CLDN14: variants seen among roughly 807,000 people sequenced by gnomAD.
The protein encoded by CLDN14 is claudin-14.
A neutral mutation model predicts 2.1 loss-of-function variants in CLDN14; 2 were observed. The ratio of observed to expected loss-of-function variants is 0.96; its 90% CI spans 0.39 to 3.01. The LOEUF is 3.01. CLDN14 is among the 30% of genes most tolerant of loss of function. CLDN14 has a pLI of 0.09. For missense variants in CLDN14, 298 were observed against 328.0 expected (o/e 0.91, Z 0.71); for synonymous variants, 136 against 154.4 (o/e 0.88, Z 0.88).
At chr21:36,497,865 G>A (rs145148988) in intron 2 of CLDN14, among the ~76,000 whole-genome samples, 3 of 152,130 alleles carry the variant, frequency 2.0e-5, no homozygotes, top group African/African-American at 7.2e-5. Flanking sequence ...GGCACCTGTG[G>A]GGACTGCCCC....
intron 2 of CLDN14, among the ~76,000 whole-genome samples, chr21:36,491,403 C>T (rs1009447954): frequency 2.6e-5 from 4 of 152,128 alleles, no homozygotes; most frequent in Non-Finnish European, 4.4e-5. Flanking sequence ...AAAAGCGAAA[C>T]GGCGAGGAAT....
At chr21:36,568,492 T>C (rs1465279767) in intron 1 of CLDN14, among the ~76,000 whole-genome samples, 1 of 152,180 alleles carries the variant, frequency 6.6e-6, no homozygotes, top group African/African-American at 2.4e-5. Flanking sequence ...GCCCCTGGCA[T>C]GGGGATGGGG....
chr21:36,481,614 T>G (rs2845766), upstream of CLDN14, among the ~76,000 whole-genome samples: 1 of 152,086 alleles, frequency 6.6e-6, no homozygotes, highest in African/African-American at 2.4e-5. Context: ...TGACAGTGAA[T>G]GAAATGGACG....
At chr21:36,524,519 A>G (rs553356174) in intron 1 of CLDN14, among the ~76,000 whole-genome samples, 1 of 152,190 alleles carries the variant, frequency 6.6e-6, no homozygotes, top group South Asian at 2.1e-4. Flanking sequence ...AAATTCTAAA[A>G]CCCAAAGTCA....
chr21:36,500,095 G>T (rs938540215), intron 2 of CLDN14, among the ~76,000 whole-genome samples: 1 of 152,190 alleles, frequency 6.6e-6, no homozygotes, highest in African/African-American at 2.4e-5. Flanking sequence ...GTTTGACTTG[G>T]CTTAGCTGCA....
chr21:36,562,685 A>C (rs1211118022), intron 1 of CLDN14, among the ~76,000 whole-genome samples: 2 of 118,848 alleles, frequency 1.7e-5, no homozygotes, highest in Non-Finnish European at 3.7e-5. Context: ...AGGATCCCCT[A>C]TCCATTCTGT....
At chr21:36,497,607 C>T (rs1262489162) in intron 2 of CLDN14, among the ~76,000 whole-genome samples, 2 of 152,088 alleles carry the variant, frequency 1.3e-5, no homozygotes, top group East Asian at 1.9e-4. Context: ...AGGTTTTGCA[C>T]AAATCATCTT....
intron 1 of CLDN14, among the ~76,000 whole-genome samples, chr21:36,525,413 T>C (rs2087316948): frequency 6.6e-6 from 1 of 150,546 alleles, no homozygotes; most frequent in South Asian, 2.1e-4. Context: ...AATAAAGACT[T>C]GAAGCTGGCA....
At position 36,543,838 on chromosome 21, in the gene CLDN14, G is replaced by A. The variant is rs567643134; in HGVS notation, c.-220+32573C>T. 1.3e-5 allele frequency among the ~76,000 whole-genome samples: 2 copies of A among 152,274 alleles called. 1 individual carries two copies. Among genetic ancestry groups the A allele is most frequent in the African/African-American group, 4.8e-5 (2 of 41,548 alleles). Reference sequence around the variant, plus strand: ...GCCAAAAGCAAGCAAATATGCATAAGGAGCTTCTGACACGTAAACAGCCAC... The same window carrying A: ...GCCAAAAGCAAGCAAATATGCATAAAGAGCTTCTGACACGTAAACAGCCAC... On this transcript the variant is annotated intron_variant, in intron 1 of 2. Coordinates refer to the CLDN14 transcript ENST00000342108.
In CLDN14 at chr21:36,476,725, G is replaced by A. The variant is rs562777366; in HGVS notation, c.-82+2770C>T. Among the ~76,000 whole-genome samples the A allele has an allele frequency of 4.6e-5, 7 of 152,338 alleles. No homozygotes were observed. The South Asian group carries it at 1.4e-3, about 32-fold the overall frequency. On this transcript the variant is annotated intron_variant, in intron 1 of 1. Coordinates refer to ENST00000399135, the MANE Select transcript of CLDN14 (RefSeq NM_001146079.2). The stretch of plus-strand genomic sequence containing the variant: ...CTTGGACTCCCAAAGTGCTGGGATT[G>A]TAGGCGTGAGCCACTGCCCTCGGCC...
At chr21:36,531,325 C>A (rs1399103241) in intron 1 of CLDN14, among the ~76,000 whole-genome samples, 1 of 150,698 alleles carries the variant, frequency 6.6e-6, no homozygotes, top group Non-Finnish European at 1.5e-5. Context: ...CACTCTGTCA[C>A]CCAAGCTGCA....
chr21:36,518,355 T>C (rs5027467), intron 1 of CLDN14, among the ~76,000 whole-genome samples: 134,586 of 152,270 alleles, frequency 0.88, 60,190 homozygotes, highest in African/African-American at 0.94. Context: ...AATCCCAGCA[T>C]TTTGGGAGGC....
At chr21:36,547,467 T>C (rs1189471908) in intron 1 of CLDN14, among the ~76,000 whole-genome samples, 1 of 152,214 alleles carries the variant, frequency 6.6e-6, no homozygotes, top group Non-Finnish European at 1.5e-5. Context: ...AAAAGAACCT[T>C]CCGACAGAGC....
chr21:36,485,858 T>A, intron 2 of CLDN14: 1 of 541,800 alleles, frequency 1.8e-6, no homozygotes, highest in Non-Finnish European at 3.2e-6. Flanking sequence ...ATTTCCTTTT[T>A]TTTTTTTTTA....
At chr21:36,528,809 G>T (rs2087355860) in intron 1 of CLDN14, among the ~76,000 whole-genome samples, 1 of 152,196 alleles carries the variant, frequency 6.6e-6, no homozygotes, top group South Asian at 2.1e-4. Context: ...GTGGTGGAAG[G>T]TTCTGGAAAC....
intron 2 of CLDN14, among the ~76,000 whole-genome samples, chr21:36,490,726 G>C (rs2086953621): frequency 6.6e-6 from 1 of 151,964 alleles, no homozygotes; most frequent in South Asian, 2.1e-4. Context: ...GTAGAGATGG[G>C]GTCTCTCTAT....
At position 36,468,763 on chromosome 21, in the gene CLDN14, C is replaced by CT. The variant is rs1435081969; in HGVS notation, c.-81-6988dup. On this transcript the variant is annotated intron_variant, in intron 1 of 1. Transcript: ENST00000399135. ...CTTTTTTCTTTTTCTTTCTTTCTTT[C>CT]TTTCTTTTTTTTTTGAGACAGAATC... Among the ~76,000 whole-genome samples, 880 of 148,164 alleles carry CT rather than the reference C, an allele frequency of 5.9e-3. 12 individuals carry two copies. Among genetic ancestry groups the CT allele is most frequent in the African/African-American group, 0.02 (782 of 39,292 alleles).
intron 1 of CLDN14, among the ~76,000 whole-genome samples, chr21:36,550,720 A>G (rs1480801357): frequency 4.6e-5 from 7 of 152,074 alleles, no homozygotes; most frequent in Non-Finnish European, 1.0e-4. Context: ...TGCTCCATCC[A>G]ACTCTGCTCA....
chr21:36,467,105 T>C (rs1003921044), intron 1 of CLDN14, among the ~76,000 whole-genome samples: 4 of 152,226 alleles, frequency 2.6e-5, no homozygotes, highest in African/African-American at 9.6e-5. Context: ...CAACTGGCTC[T>C]GGTTTCAGGA....
Sources: allele counts gnomAD v4.1 joint callset (sites outside exome capture counted in the v4.1 genomes callset), GRCh38; gene constraint gnomAD v4.1.1; transcripts MANE v1.5; gene names NCBI Gene and HGNC (gene_info 2026-07-23, HGNC 2026-07-21).